The following PIWIL4 variants were observed in gnomAD, a reference collection of about 807,000 sequenced individuals.
PIWIL4 encodes piwi like RNA-mediated gene silencing 4.
In PIWIL4, 50 loss-of-function variants were observed where a neutral mutation model predicts 100.9. That is an observed-to-expected ratio of 0.50 (90% CI 0.39 to 0.63). The LOEUF (loss-of-function observed/expected upper bound fraction) is 0.63, where lower values mean the gene tolerates loss of function less well. Among genes scored for constraint, PIWIL4 ranks in the 20% least tolerant of loss-of-function variants. PIWIL4 has a pLI of 0.00. For missense variants in PIWIL4, 887 were observed against 1,043.3 expected (o/e 0.85, Z 2.06); for synonymous variants, 342 against 367.5 (o/e 0.93, Z 0.79).
In PIWIL4 at chr11:94,621,019, T is replaced by C; in HGVS notation, c.*27T>C. 6.7e-7 allele frequency: 1 copy of C among 1,501,226 alleles called. No individual in the cohort carries two copies. The allele number at this position is 1,501,226 out of a possible 1,614,324, so 93.0% of individuals were successfully genotyped here. A position where few individuals can be genotyped will look rare whatever the true frequency, so the allele number is the denominator to read the frequency against. On this transcript the variant is annotated 3_prime_UTR_variant, in exon 20 of 20. Transcript: ENST00000299001. The stretch of plus-strand genomic sequence containing the variant: ...GGCATGAACTACTGGCATCACTAGA[T>C]GGACAATCCAAGAAGAAATTGGTAT...
Position 94,593,614 on chromosome 11 carries a change from C to T in PIWIL4, c.1123C>T (p.Leu375=). The stretch of plus-strand genomic sequence containing the variant: ...CAACAGTGAGGCTCAGCTCGCCCAC[C>T]TGATACCTGAGCTCTGCTTTCTAAC... ...NDNSEAQLAH[L]IPELCFLTGL... is the part of the protein sequence containing the mutation. Residue 375 remains leucine, a synonymous_variant, in exon 9 of 20, where the codon CTG becomes TTG. Coordinates refer to ENST00000299001, the MANE Select transcript of PIWIL4 (RefSeq NM_152431.3). 1 of 1,613,990 alleles carries T rather than the reference C, an allele frequency of 6.2e-7. No individual in the cohort carries two copies. Among genetic ancestry groups the T allele is most frequent in the Non-Finnish European group, 8.5e-7 (1 of 1,179,924 alleles).
At chr11:94,591,169 G>A (rs1413983532) in intron 8 of PIWIL4, among the ~76,000 whole-genome samples, 1 of 152,042 alleles carries the variant, frequency 6.6e-6, no homozygotes, top group Admixed American at 6.5e-5. Flanking sequence ...GCATAGTTTG[G>A]CCCCCTCTTT....
At chr11:94,573,869 C>T (rs1948196884) in intron 2 of PIWIL4, among the ~76,000 whole-genome samples, 1 of 151,988 alleles carries the variant, frequency 6.6e-6, no homozygotes, top group Non-Finnish European at 1.5e-5. Flanking sequence ...GATCTTTTTT[C>T]ACTGTGCAAA....
At chr11:94,574,912 G>A in intron 2 of PIWIL4, 87 bp from the exon 3 acceptor site, 1 of 1,343,144 alleles carries the variant, frequency 7.4e-7, no homozygotes, top group Admixed American at 2.0e-5. Flanking sequence ...CACAAGTTTG[G>A]ATTGCAATGC....
chr11:94,594,928 G>A (rs1948537512), intron 9 of PIWIL4, among the ~76,000 whole-genome samples: 1 of 152,118 alleles, frequency 6.6e-6, no homozygotes. Flanking sequence ...ACTTGAATTG[G>A]GACTAGCTCT....
At chr11:94,615,137 G>C (rs1441498512) in intron 15 of PIWIL4, among the ~76,000 whole-genome samples, 3 of 152,000 alleles carry the variant, frequency 2.0e-5, no homozygotes, top group Non-Finnish European at 4.4e-5. Context: ...GCAGTCAGTA[G>C]GGTTTGCAGC....
intron 11 of PIWIL4, among the ~76,000 whole-genome samples, chr11:94,601,538 C>T (rs959508921): frequency 2.6e-5 from 4 of 152,156 alleles, no homozygotes; most frequent in Admixed American, 6.5e-5. Context: ...CTCTGTGCAC[C>T]GCAGAGAATC....
intron 14 of PIWIL4, 118 bp from the exon 15 acceptor site, chr11:94,608,459 TTACACA>T: frequency 1.2e-5 from 9 of 772,960 alleles, no homozygotes; most frequent in Non-Finnish European, 2.0e-5. Flanking sequence ...TCAATCTCCC[TTACACA>T]TAGCTTAACT....
Position 94,587,175 on chromosome 11 carries a change from G to C in PIWIL4, c.842G>C (p.Cys281Ser), listed in dbSNP as rs745515273. The part of the protein sequence containing the change: ...ETVLEFMTAL[C>S]QRTGLSCFTQ... The stretch of plus-strand genomic sequence containing the variant: ...GTTCTGGAATTCATGACTGCTCTCT[G>C]TCAAAGAACTGGCTTGTCCTGTTTC... The change falls in exon 7 of 20, where the codon TGT (cysteine) becomes TCT (serine). Residue 281 changes from cysteine (C) to serine (S), a missense_variant. This residue lies in a region of PIWIL4 where 741 missense variants were observed against 930.0 expected (regional missense o/e 0.80). Coordinates refer to ENST00000299001, the MANE Select transcript of PIWIL4 (RefSeq NM_152431.3). The C allele has an allele frequency of 2.5e-6, 4 of 1,614,194 alleles. No homozygotes were observed. In the South Asian group the frequency reaches 4.4e-5, roughly 18 times the overall value.
intron 4 of PIWIL4, among the ~76,000 whole-genome samples, chr11:94,581,668 A>G (rs908427887): frequency 2.0e-5 from 3 of 152,226 alleles, no homozygotes; most frequent in African/African-American, 4.8e-5. Flanking sequence ...GTAAAGTGCC[A>G]CTGAAATAGT....
intron 19 of PIWIL4, 53 bp from the exon 20 acceptor site, chr11:94,620,823 C>A: frequency 7.3e-7 from 1 of 1,378,516 alleles, no homozygotes; most frequent in Non-Finnish European, 1.0e-6. Flanking sequence ...GAAAAAATCT[C>A]TTTGAAGAAC....
At position 94,608,693 on chromosome 11, in the gene PIWIL4, C is replaced by A; in HGVS notation, c.1943+7C>A. 6.2e-7 allele frequency: 1 copy of A among 1,604,894 alleles called. No individual in the cohort carries two copies. The highest frequency in any genetic ancestry group is 1.3e-5 in the African/African-American group (1 of 74,844). On this transcript the variant is annotated splice_region_variant and intron_variant, in intron 15 of 19. Coordinates refer to ENST00000299001, the MANE Select transcript of PIWIL4 (RefSeq NM_152431.3). ...TTAACCCCAGAATCACCAGGTACTG[C>A]TAAAACTACCTGAACACATGCTTCA...
At chr11:94,605,669 G>A (rs530499042) in intron 13 of PIWIL4, among the ~76,000 whole-genome samples, 11 of 152,300 alleles carry the variant, frequency 7.2e-5, no homozygotes, top group African/African-American at 2.6e-4. Context: ...GTTAACAAAT[G>A]ATAGTATTCC....
At position 94,621,091 on chromosome 11, in the gene PIWIL4, A is replaced by C; in HGVS notation, c.*99A>C. The C allele has an allele frequency of 1.3e-6, 1 of 785,574 alleles. No individual in the cohort carries two copies. The highest frequency in any genetic ancestry group is 2.1e-6 in the Non-Finnish European group (1 of 485,666). 48.7% of individuals were successfully genotyped at this position (785,574 alleles called of 1,614,324 possible). On this transcript the variant is annotated 3_prime_UTR_variant, in exon 20 of 20. Coordinates refer to ENST00000299001, the MANE Select transcript of PIWIL4 (RefSeq NM_152431.3). Reference sequence around the variant, plus strand: ...AGCTCAAGGCTGTGACTGGGGAAAAAGATTGAGCTTAGTTTTCATGTCTAG... The same window carrying C: ...AGCTCAAGGCTGTGACTGGGGAAAACGATTGAGCTTAGTTTTCATGTCTAG...
chr11:94,575,268 T>C (rs1295350048), intron 3 of PIWIL4, 138 bp downstream of exon 3: 1 of 815,484 alleles, frequency 1.2e-6, no homozygotes, highest in African/African-American at 1.8e-5. Flanking sequence ...TTCAAGGCAC[T>C]GTTAGACGCT....
At chr11:94,574,011 A>G (rs1948199388) in intron 2 of PIWIL4, among the ~76,000 whole-genome samples, 1 of 152,206 alleles carries the variant, frequency 6.6e-6, no homozygotes, top group Non-Finnish European at 1.5e-5. Flanking sequence ...GCAATGGCTT[A>G]TATGGACAAT....
At chr11:94,594,465 C>CAAAAAAA (rs1565276807) in intron 9 of PIWIL4, among the ~76,000 whole-genome samples, 1,212 of 119,022 alleles carry the variant, frequency 0.01, 32 homozygotes, top group African/African-American at 0.037. Flanking sequence ...GACTCTGTCT[C>CAAAAAAA]CAAAAAAAAA....
At chr11:94,605,015 T>C (rs1948696205) in intron 13 of PIWIL4, among the ~76,000 whole-genome samples, 1 of 152,242 alleles carries the variant, frequency 6.6e-6, no homozygotes, top group Non-Finnish European at 1.5e-5. Context: ...TCCCAAATTA[T>C]TGACCTTTTA....
At chr11:94,616,083 T>A (rs1038026583) in intron 15 of PIWIL4, among the ~76,000 whole-genome samples, 1 of 152,252 alleles carries the variant, frequency 6.6e-6, no homozygotes, top group African/African-American at 2.4e-5. Flanking sequence ...CCTCTATTAC[T>A]CTTTACTATA....
Sources: gnomAD v4.1 joint callset for allele counts (sites outside exome capture counted in the v4.1 genomes callset) on GRCh38, gnomAD v4.1.1 for gene constraint, gnomAD v4.1.1 regional missense constraint, MANE v1.5 for transcripts, NCBI Gene and HGNC (gene_info 2026-07-23, HGNC 2026-07-21) for gene names.